TBC1D12: variants seen among roughly 807,000 people sequenced by gnomAD.
The protein encoded by TBC1D12 is TBC1 domain family, member 12.
In TBC1D12, 56 loss-of-function variants were observed where a neutral mutation model predicts 86.7. The ratio of observed to expected loss-of-function variants is 0.65; its 90% confidence interval spans 0.52 to 0.81. The LOEUF is 0.81. TBC1D12 is among the 30% of genes least tolerant of loss of function. The pLI is 0.00. For synonymous variants in TBC1D12, 421 were observed against 411.7 expected (o/e 1.02, Z -0.27); for missense variants, 1,023 against 1,038.8 (o/e 0.98, Z 0.21).
intron 1 of TBC1D12, among the ~76,000 whole-genome samples, chr10:94,423,506 C>G (rs774175005): frequency 1.3e-5 from 2 of 152,062 alleles, no homozygotes; most frequent in Non-Finnish European, 2.9e-5. Context: ...CGCTACCACG[C>G]CCGGCTAATT....
At chr10:94,446,056 T>C (rs2134096825) in intron 2 of TBC1D12, among the ~76,000 whole-genome samples, 1 of 152,360 alleles carries the variant, frequency 6.6e-6, no homozygotes, top group South Asian at 2.1e-4. Context: ...TTGTCTAATT[T>C]TGCTGTCCTC....
rs540382421 is a variant in TBC1D12, at chr10:94,418,044, G to A, written c.971+14460G>A. Reference sequence around the variant, plus strand: ...GCGGAGATTACAGACGTGAGCCACCGCGCCCGGCCCATGTATGTCTCTTCT... The same window carrying A: ...GCGGAGATTACAGACGTGAGCCACCACGCCCGGCCCATGTATGTCTCTTCT... On this transcript the variant is annotated intron_variant, in intron 1 of 12. Transcript: ENST00000225235. Among the ~76,000 whole-genome samples the A allele has an allele frequency of 2.6e-5, 4 of 152,178 alleles. No individual in the cohort carries two copies. The East Asian group carries it at 5.8e-4, about 22-fold the overall frequency.
At chr10:94,515,150 G>T (rs1282973424) in intron 9 of TBC1D12, among the ~76,000 whole-genome samples, 1 of 150,664 alleles carries the variant, frequency 6.6e-6, no homozygotes, top group African/African-American at 2.4e-5. Context: ...CTCGTGATCC[G>T]CCCGCCTCGG....
intron 9 of TBC1D12, among the ~76,000 whole-genome samples, chr10:94,512,592 G>A (rs148453938): frequency 1.6e-4 from 24 of 152,234 alleles, no homozygotes; most frequent in African/African-American, 5.5e-4. Context: ...TCCTTATGAT[G>A]CTTACAGTTT....
intron 2 of TBC1D12, among the ~76,000 whole-genome samples, chr10:94,473,155 C>T (rs1427326555): frequency 6.6e-6 from 1 of 151,718 alleles, no homozygotes; most frequent in African/African-American, 2.4e-5. Context: ...GAGTTTGAAA[C>T]CAGCCTGACC....
intron 1 of TBC1D12, among the ~76,000 whole-genome samples, chr10:94,407,054 TAAAA>T (rs35370498): frequency 6.7e-6 from 1 of 148,896 alleles, no homozygotes; most frequent in Non-Finnish European, 1.5e-5. Context: ...CGAGAAACCT[TAAAA>T]AAAAAACAGT....
intron 4 of TBC1D12, among the ~76,000 whole-genome samples, chr10:94,496,309 C>T (rs2056320445): frequency 6.6e-6 from 1 of 151,978 alleles, no homozygotes. Flanking sequence ...AAATTGTCAC[C>T]TTTGATTTTC....
intron 2 of TBC1D12, among the ~76,000 whole-genome samples, chr10:94,464,774 A>G (rs2055782217): frequency 1.3e-5 from 2 of 152,250 alleles, no homozygotes; most frequent in Admixed American, 6.5e-5. Flanking sequence ...TCATTTAAAT[A>G]TCACAAGAAT....
intron 3 of TBC1D12, among the ~76,000 whole-genome samples, chr10:94,477,105 C>T (rs1310366446): frequency 6.6e-6 from 1 of 152,010 alleles, no homozygotes; most frequent in Non-Finnish European, 1.5e-5. Flanking sequence ...TTTATTTTCA[C>T]TCTTTTGAAC....
intron 3 of TBC1D12, 66 bp from the exon 4 acceptor site, chr10:94,493,299 A>G (rs572357364): frequency 4.7e-6 from 6 of 1,281,570 alleles, no homozygotes; most frequent in Admixed American, 4.0e-5. Context: ...GTAAAAACAA[A>G]TAAGTTAGTA....
intron 2 of TBC1D12, among the ~76,000 whole-genome samples, chr10:94,443,416 G>A (rs2055409117): frequency 6.6e-6 from 1 of 152,172 alleles, no homozygotes; most frequent in South Asian, 2.1e-4. Context: ...GAGAAGCTGG[G>A]ACTACAGGTA....
At chr10:94,477,563 T>C (rs939368304) in intron 3 of TBC1D12, among the ~76,000 whole-genome samples, 6 of 152,200 alleles carry the variant, frequency 3.9e-5, no homozygotes, top group Non-Finnish European at 8.8e-5. Context: ...CAGAATACTC[T>C]TCTAGCAGAC....
At chr10:94,507,581 A>G (rs2056475569) in intron 7 of TBC1D12, among the ~76,000 whole-genome samples, 1 of 152,194 alleles carries the variant, frequency 6.6e-6, no homozygotes, top group Admixed American at 6.5e-5. Context: ...AAGGTAAAGA[A>G]GTTTATACTG....
intron 2 of TBC1D12, among the ~76,000 whole-genome samples, chr10:94,446,722 C>A (rs2055467699): frequency 6.6e-6 from 1 of 151,962 alleles, no homozygotes. Flanking sequence ...GTTATTAAAC[C>A]AAACATTTCT....
At chr10:94,486,929 T>C (rs1367388675) in intron 3 of TBC1D12, among the ~76,000 whole-genome samples, 1 of 152,232 alleles carries the variant, frequency 6.6e-6, no homozygotes, top group Non-Finnish European at 1.5e-5. Flanking sequence ...TATTATCGTA[T>C]TGAGGTGCAT....
At chr10:94,516,421 GT>G (rs1000295714) in intron 9 of TBC1D12, among the ~76,000 whole-genome samples, 1 of 151,326 alleles carries the variant, frequency 6.6e-6, no homozygotes. Context: ...AACTTTTTTT[GT>G]TTTTTTTAAA....
intron 2 of TBC1D12, among the ~76,000 whole-genome samples, chr10:94,450,796 A>C (rs1300856494): frequency 6.6e-6 from 1 of 152,124 alleles, no homozygotes; most frequent in Admixed American, 6.6e-5. Context: ...GGTAAAGAAA[A>C]TATGGTATAT....
chr10:94,484,871 A>G (rs942477415), intron 3 of TBC1D12, among the ~76,000 whole-genome samples: 2 of 152,184 alleles, frequency 1.3e-5, no homozygotes, highest in Non-Finnish European at 1.5e-5. Flanking sequence ...TGGCTATTAT[A>G]AATGGGATTA....
At chr10:94,501,055 CAAAT>C (rs1391564314) in intron 6 of TBC1D12, among the ~76,000 whole-genome samples, 12 of 147,844 alleles carry the variant, frequency 8.1e-5, no homozygotes, top group South Asian at 2.2e-4. Flanking sequence ...GACTCTATCT[CAAAT>C]GAATGAATGA....
Sources: allele counts gnomAD v4.1 joint callset (sites outside exome capture counted in the v4.1 genomes callset), GRCh38; gene constraint gnomAD v4.1.1; transcripts MANE v1.5; gene names NCBI Gene and HGNC (gene_info 2026-07-23, HGNC 2026-07-21).